Variants in VSTM5 observed in about 807,000 individuals in gnomAD.
VSTM5 encodes the protein V-set and transmembrane domain containing 5.
Under a neutral mutation model 20.3 loss-of-function variants are expected in VSTM5, and 21 were observed. The ratio of observed to expected loss-of-function variants is 1.03; its 90% CI spans 0.73 to 1.49. The LOEUF (loss-of-function observed/expected upper bound fraction) is 1.49. Among genes scored for constraint, VSTM5 ranks in the 40% most tolerant of loss-of-function variants. VSTM5 has a pLI of 0.00. For synonymous variants in VSTM5, 100 were observed against 102.5 expected (o/e 0.98, Z 0.14); for missense variants, 219 against 250.0 (o/e 0.88, Z 0.84).
intron 1 of VSTM5, among the ~76,000 whole-genome samples, chr11:93,841,855 G>A (rs1488956519): frequency 1.3e-5 from 2 of 152,192 alleles, no homozygotes; most frequent in Non-Finnish European, 2.9e-5. Flanking sequence ...AAGAGTGAAA[G>A]GACACAGGTT....
chr11:93,834,379 C>T (rs996360285), intron 1 of VSTM5, among the ~76,000 whole-genome samples: 2 of 152,150 alleles, frequency 1.3e-5, no homozygotes, highest in East Asian at 1.9e-4. Context: ...CCACACTCAC[C>T]AGCTGTTTTT....
chr11:93,821,527 C>G (rs1409105235), intron 1 of VSTM5: 3 of 583,522 alleles, frequency 5.1e-6, no homozygotes, highest in Non-Finnish European at 9.0e-6. Flanking sequence ...ACAGAGCAAC[C>G]TTTTTCCATT....
At position 93,821,242 on chromosome 11, in the gene VSTM5, G is replaced by C; in HGVS notation, c.173C>G (p.Ser58Cys). 1 of 1,551,920 alleles carries C rather than the reference G, an allele frequency of 6.4e-7. No individual in the cohort carries two copies. The highest frequency in any genetic ancestry group is 8.7e-7 in the Non-Finnish European group (1 of 1,147,058). Residue 58 changes from serine to cysteine, a missense_variant, in exon 2 of 4, where the codon TCC becomes TGC. Physicochemically the swap from Ser to Cys is moderately radical, Grantham distance 112. Transcript: ENST00000409977. ...KEDILLSVEY[S>C]CHGVPTIEWT... ...TTCGATGGTGGGCACTCCATGACAG[G>C]AGTACTCAACTGAGAGCAGGATGTC...
chr11:93,839,090 G>A (rs7129970), intron 1 of VSTM5, among the ~76,000 whole-genome samples: 34,063 of 152,168 alleles, frequency 0.22, 5,041 homozygotes, highest in African/African-American at 0.42. Context: ...TTGAGAACCC[G>A]CTTGCAGTGA....
rs1374378640 is a variant in VSTM5, at chr11:93,818,390, G to A, written c.*2179C>T. The A allele has an allele frequency of 1.3e-5, 2 of 151,844 alleles. No individual in the cohort carries two copies. Among genetic ancestry groups the A allele is most frequent in the East Asian group, 1.9e-4 (1 of 5,170 alleles). 9.4% of individuals were successfully genotyped at this position (151,844 alleles called of 1,614,324 possible). ...CTCTGCATTTTAAACCTTTCCACAG[G>A]AATGTTCAGTATGGCAGAGCTTTAA... On this transcript the variant is annotated 3_prime_UTR_variant, in exon 4 of 4. Coordinates refer to ENST00000409977, the MANE Select transcript of VSTM5 (RefSeq NM_001144871.2).
intron 1 of VSTM5, among the ~76,000 whole-genome samples, chr11:93,849,144 C>G (rs1255475848): frequency 6.7e-6 from 1 of 150,096 alleles, no homozygotes; most frequent in East Asian, 1.9e-4. Flanking sequence ...TCTCTCTCTT[C>G]TTTTCTTTTT....
chr11:93,835,496 C>T (rs1944316415), intron 1 of VSTM5, among the ~76,000 whole-genome samples: 1 of 152,004 alleles, frequency 6.6e-6, no homozygotes, highest in African/African-American at 2.4e-5. Context: ...TTATAGCAAC[C>T]AAAAATAGGC....
At chr11:93,838,334 G>A (rs1342984432) in intron 1 of VSTM5, among the ~76,000 whole-genome samples, 8 of 151,992 alleles carry the variant, frequency 5.3e-5, no homozygotes, top group Admixed American at 1.3e-4. Context: ...TCAGCCAGGC[G>A]TGGTTGGGGC....
Position 93,819,041 on chromosome 11 carries a change from TGA to T in VSTM5, c.*1526_*1527del, listed in dbSNP as rs1944156776. 6.6e-6 allele frequency: 1 copy of T among 152,312 alleles called. No homozygotes were observed. Among genetic ancestry groups the T allele is most frequent in the African/African-American group, 2.4e-5 (1 of 41,572 alleles). 9.4% of individuals were successfully genotyped at this position (152,312 alleles called of 1,614,324 possible). A position where few individuals can be genotyped will look rare whatever the true frequency, so the allele number is the denominator to read the frequency against. ...ACTGAGAGTTCCTGTCTGAATATTC[TGA>T]GAGATCCCTTCCCAAAACTCTGGAT... On this transcript the variant is annotated 3_prime_UTR_variant, in exon 4 of 4. Coordinates refer to ENST00000409977, the MANE Select transcript of VSTM5 (RefSeq NM_001144871.2).
At chr11:93,823,990 C>T (rs1262427951) in intron 1 of VSTM5, among the ~76,000 whole-genome samples, 1 of 152,054 alleles carries the variant, frequency 6.6e-6, no homozygotes, top group Non-Finnish European at 1.5e-5. Flanking sequence ...TCACTGCAAC[C>T]TCTGCCTCCC....
chr11:93,821,060 CAT>C lies in VSTM5; in HGVS notation c.353_354del (p.Tyr118CysfsTer22), dbSNP rs1195453523. 6.4e-7 allele frequency: 1 copy of C among 1,551,746 alleles called. No individual in the cohort carries two copies. The highest frequency in any genetic ancestry group is 2.0e-5 in the Admixed American group (1 of 51,010). On this transcript the variant is annotated frameshift_variant, in exon 2 of 4. Coordinates refer to ENST00000409977, the MANE Select transcript of VSTM5 (RefSeq NM_001144871.2). LOFTEE classifies it high-confidence loss of function. ...CCCAGGCGCTCCGTCACGGTGATGA[CAT>C]AGTAGCCGGAATCCCTCACTCCCAC... The part of the protein sequence containing the change: ...FSVGVRDSGY[Y>X]VITVTERLGS...
chr11:93,825,848 A>C (rs1044147918), intron 1 of VSTM5, among the ~76,000 whole-genome samples: 3 of 151,418 alleles, frequency 2.0e-5, no homozygotes, highest in African/African-American at 7.3e-5. Flanking sequence ...GGCTCACTGC[A>C]GCCTTGACCA....
chr11:93,843,179 C>A (rs1194743158), intron 1 of VSTM5, among the ~76,000 whole-genome samples: 1 of 152,092 alleles, frequency 6.6e-6, no homozygotes, highest in Non-Finnish European at 1.5e-5. Context: ...AGGCCAATTC[C>A]TCTTTATCCT....
chr11:93,841,297 G>T (rs924506672), intron 1 of VSTM5, among the ~76,000 whole-genome samples: 1 of 152,212 alleles, frequency 6.6e-6, no homozygotes, highest in Non-Finnish European at 1.5e-5. Context: ...TCTGGCTCAG[G>T]CTGCCCCCAC....
chr11:93,838,705 G>A (rs1357127327), intron 1 of VSTM5, among the ~76,000 whole-genome samples: 2 of 152,088 alleles, frequency 1.3e-5, no homozygotes, highest in East Asian at 1.9e-4. Context: ...GCTTAGATGG[G>A]GAGGATAACT....
At chr11:93,843,611 T>A (rs1336262511) in intron 1 of VSTM5, among the ~76,000 whole-genome samples, 2 of 152,202 alleles carry the variant, frequency 1.3e-5, no homozygotes, top group East Asian at 1.9e-4. Context: ...ACAGTGCCTG[T>A]CATGAAGTGC....
intron 1 of VSTM5, among the ~76,000 whole-genome samples, chr11:93,832,429 A>T (rs1442685166): frequency 6.6e-6 from 1 of 152,212 alleles, no homozygotes; most frequent in East Asian, 1.9e-4. Flanking sequence ...TATTCTAAAA[A>T]CCAGAAGCTG....
chr11:93,826,962 T>C (rs1944243571), intron 1 of VSTM5, among the ~76,000 whole-genome samples: 1 of 152,190 alleles, frequency 6.6e-6, no homozygotes, highest in Non-Finnish European at 1.5e-5. Context: ...AATTTAAATC[T>C]TCTTGAATTT....
intron 1 of VSTM5, among the ~76,000 whole-genome samples, chr11:93,842,950 G>A (rs1342301354): frequency 6.6e-6 from 1 of 152,082 alleles, no homozygotes; most frequent in African/African-American, 2.4e-5. Flanking sequence ...AATTAGCTGG[G>A]TGTGGTGGTG....
Sources: allele counts gnomAD v4.1 joint callset (sites outside exome capture counted in the v4.1 genomes callset), GRCh38; gene constraint gnomAD v4.1.1; transcripts MANE v1.5; gene names NCBI Gene and HGNC (gene_info 2026-07-23, HGNC 2026-07-21).